LRRC4C: variants seen among roughly 807,000 people sequenced by gnomAD.
The protein encoded by LRRC4C is leucine rich repeat containing 4C.
LRRC4C carries 5 observed loss-of-function variants against 33.6 expected under a neutral mutation model. The observed-to-expected ratio is 0.15, with a 90% CI of 0.08 to 0.31. LRRC4C has a LOEUF of 0.31. LRRC4C is among the 10% of genes least tolerant of loss of function. LRRC4C has a pLI of 1.00. For missense variants in LRRC4C, 560 were observed against 796.7 expected, an observed-to-expected ratio of 0.70 and a Z score of 3.58; for synonymous variants, 329 against 302.0, an observed-to-expected ratio of 1.09 and a Z score of -0.93.
chr11:41,271,730 T>C (rs979271041), intron 1 of LRRC4C, among the ~76,000 whole-genome samples: 1 of 152,170 alleles, frequency 6.6e-6, no homozygotes, highest in African/African-American at 2.4e-5. Flanking sequence ...GGAATTGTTT[T>C]GCTTGTCACT....
intron 2 of LRRC4C, among the ~76,000 whole-genome samples, chr11:40,891,202 A>T (rs1166417657): frequency 6.6e-6 from 1 of 152,100 alleles, no homozygotes; most frequent in African/African-American, 2.4e-5. Context: ...GCGCCCCTGC[A>T]CTCCAGCCTG....
intron 3 of LRRC4C, among the ~76,000 whole-genome samples, chr11:40,574,496 A>G (rs1482326245): frequency 6.6e-6 from 1 of 152,232 alleles, no homozygotes; most frequent in African/African-American, 2.4e-5. Context: ...AAGCCCTCCC[A>G]TAAGAGTTAC....
At chr11:41,253,924 C>T (rs747133780) in intron 1 of LRRC4C, among the ~76,000 whole-genome samples, 1 of 151,956 alleles carries the variant, frequency 6.6e-6, no homozygotes, top group Non-Finnish European at 1.5e-5. Context: ...TCCCTAAGCC[C>T]GTTCTATGGA....
rs1313046489 is a variant in LRRC4C at position 40,208,149 on chromosome 11, A to G, written c.-96+33370T>C. 3.3e-5 allele frequency among the ~76,000 whole-genome samples: 5 copies of G among 152,212 alleles called. No homozygotes were observed. The East Asian group carries it at 7.7e-4, about 23-fold the overall frequency. On this transcript the variant is annotated intron_variant, in intron 5 of 6. Transcript: ENST00000528697. ...ACAATCATGACCCTTATGCACATATAAAAATGAACATGAGTTCAATAATTT... is the reference window on the plus strand; with the variant it reads ...ACAATCATGACCCTTATGCACATATGAAAATGAACATGAGTTCAATAATTT...
intron 1 of LRRC4C, among the ~76,000 whole-genome samples, chr11:41,186,151 A>C (rs919474841): frequency 8.5e-5 from 13 of 152,162 alleles, no homozygotes; most frequent in African/African-American, 2.9e-4. Flanking sequence ...GTTTTGTCTG[A>C]TGAAGCCAAA....
At chr11:41,124,490 T>C (rs980008531) in intron 1 of LRRC4C, among the ~76,000 whole-genome samples, 7 of 152,196 alleles carry the variant, frequency 4.6e-5, no homozygotes, top group Non-Finnish European at 8.8e-5. Context: ...CAATTCACTA[T>C]AAACTTAGCC....
intron 3 of LRRC4C, among the ~76,000 whole-genome samples, chr11:40,390,483 A>G (rs1949292354): frequency 6.6e-6 from 1 of 152,194 alleles, no homozygotes; most frequent in Non-Finnish European, 1.5e-5. Context: ...AATCTATCTA[A>G]GCTACCTGAT....
intron 1 of LRRC4C, among the ~76,000 whole-genome samples, chr11:41,411,299 C>A (rs1030130531): frequency 6.6e-6 from 1 of 151,280 alleles, no homozygotes. Context: ...CAGGTGCCCA[C>A]CACCACGCCC....
chr11:41,388,665 T>G (rs920896042), intron 1 of LRRC4C, among the ~76,000 whole-genome samples: 2 of 151,814 alleles, frequency 1.3e-5, no homozygotes, highest in African/African-American at 4.8e-5. Flanking sequence ...TACAAATCAT[T>G]TCAGCTGATC....
chr11:40,226,420 T>C (rs1449248244), intron 5 of LRRC4C, among the ~76,000 whole-genome samples: 1 of 152,242 alleles, frequency 6.6e-6, no homozygotes, highest in African/African-American at 2.4e-5. Flanking sequence ...ATGCAGTTGT[T>C]GCCTTGGCAA....
At chr11:40,498,645 T>A (rs1455996721) in intron 3 of LRRC4C, among the ~76,000 whole-genome samples, 1 of 152,190 alleles carries the variant, frequency 6.6e-6, no homozygotes, top group Non-Finnish European at 1.5e-5. Context: ...TACTTAGCAA[T>A]GTTGTGGTGA....
intron 1 of LRRC4C, among the ~76,000 whole-genome samples, chr11:40,972,691 A>T (rs1028196063): frequency 9.9e-5 from 15 of 152,146 alleles, no homozygotes; most frequent in Non-Finnish European, 1.8e-4. Flanking sequence ...AAAGCCCCTT[A>T]TGAAGCCATC....
At chr11:40,911,204 C>G (rs1236890426) in intron 2 of LRRC4C, among the ~76,000 whole-genome samples, 1 of 152,178 alleles carries the variant, frequency 6.6e-6, no homozygotes, top group Non-Finnish European at 1.5e-5. Context: ...AGTAGTGATT[C>G]TCCCAGCACG....
At chr11:40,573,149 C>G (rs546558797) in intron 3 of LRRC4C, among the ~76,000 whole-genome samples, 1 of 152,130 alleles carries the variant, frequency 6.6e-6, no homozygotes, top group Non-Finnish European at 1.5e-5. Flanking sequence ...TTAGACTGAA[C>G]TTAGATTAAA....
intron 1 of LRRC4C, among the ~76,000 whole-genome samples, chr11:41,292,848 A>T (rs2137018914): frequency 6.6e-6 from 1 of 152,322 alleles, no homozygotes; most frequent in South Asian, 2.1e-4. Flanking sequence ...GGAGTGAAAT[A>T]TAGTAATATG....
At chr11:40,381,672 C>T (rs1281162360) in intron 3 of LRRC4C, among the ~76,000 whole-genome samples, 1 of 152,006 alleles carries the variant, frequency 6.6e-6, no homozygotes, top group Non-Finnish European at 1.5e-5. Flanking sequence ...ACTCTCTCCT[C>T]ATTTGCTGTA....
intron 2 of LRRC4C, among the ~76,000 whole-genome samples, chr11:40,685,045 C>T (rs778420304): frequency 6.6e-6 from 1 of 151,892 alleles, no homozygotes; most frequent in East Asian, 1.9e-4. Context: ...AGAGAAAACC[C>T]AAATGTCTAA....
chr11:40,328,355 T>C (rs1946193441), intron 3 of LRRC4C, among the ~76,000 whole-genome samples: 2 of 152,186 alleles, frequency 1.3e-5, no homozygotes, highest in African/African-American at 4.8e-5. Flanking sequence ...TACTATCACC[T>C]GAAGTAAAAA....
chr11:41,351,316 A>G (rs1951977189), intron 1 of LRRC4C, among the ~76,000 whole-genome samples: 1 of 152,146 alleles, frequency 6.6e-6, no homozygotes, highest in Non-Finnish European at 1.5e-5. Flanking sequence ...AAAAATGGGG[A>G]AAAAAGCCTC....
Sources: gnomAD v4.1 joint callset for allele counts (sites outside exome capture counted in the v4.1 genomes callset) on GRCh38, gnomAD v4.1.1 for gene constraint, MANE v1.5 for transcripts, NCBI Gene and HGNC (gene_info 2026-07-23, HGNC 2026-07-21) for gene names.